Variants in TRPC6 observed in about 807,000 individuals in gnomAD.
TRPC6 encodes short transient receptor potential channel 6.
In TRPC6, 55 loss-of-function variants were observed where a neutral mutation model predicts 90.7. The ratio of observed to expected loss-of-function variants is 0.61; its 90% CI spans 0.49 to 0.76. The LOEUF is 0.76. Among genes scored for constraint, TRPC6 ranks in the 30% least tolerant of loss-of-function variants. The pLI, the probability that TRPC6 is intolerant of heterozygous loss-of-function variation, is 0.00. For synonymous variants in TRPC6, 393 were observed against 393.0 expected (o/e 1.00, Z 0.00); for missense variants, 989 against 1,122.7 (o/e 0.88, Z 1.70).
chr11:101,453,324 A>AAAGT lies in TRPC6; in HGVS notation c.2645-222_2645-219dup, dbSNP rs138371450. Among the ~76,000 whole-genome samples the AAAGT allele has an allele frequency of 4.5e-4, 69 of 152,288 alleles. No homozygotes were observed. The East Asian group carries it at 0.013, about 29-fold the overall frequency. On this transcript the variant is annotated intron_variant, in intron 12 of 12. Transcript: ENST00000344327. ...GCAGAATGATAACAAAAGCCCTCCT[A>AAAGT]AAGTAAGTTAAAACAAAAAGGTGGT... is the stretch of plus-strand genomic sequence containing the variant.
At chr11:101,453,523 C>G (rs1858811965) in intron 12 of TRPC6, 127 bp downstream of exon 12, 6 of 935,464 alleles carry the variant, frequency 6.4e-6, no homozygotes, top group African/African-American at 1.6e-5. Context: ...TTGGTGAGAT[C>G]CTGTTCTACT....
chr11:101,472,474 C>A, intron 7 of TRPC6, 142 bp from the exon 8 acceptor site: 3 of 763,692 alleles, frequency 3.9e-6, no homozygotes, highest in Non-Finnish European at 6.2e-6. Context: ...GCTCACTTTT[C>A]TTTTCTGTAA....
chr11:101,488,772 C>T (rs1859735230), intron 4 of TRPC6, among the ~76,000 whole-genome samples, 165 bp downstream of exon 4: 1 of 151,964 alleles, frequency 6.6e-6, no homozygotes, highest in South Asian at 2.1e-4. Context: ...AAAAGCAATA[C>T]AAATTATTTA....
At chr11:101,547,596 G>C (rs118115878) in intron 1 of TRPC6, among the ~76,000 whole-genome samples, 1 of 152,202 alleles carries the variant, frequency 6.6e-6, no homozygotes, top group Admixed American at 6.5e-5. Flanking sequence ...TGAGATCATC[G>C]ATTTCTGTTA....
chr11:101,481,653 A>G (rs1859554163), intron 5 of TRPC6, among the ~76,000 whole-genome samples: 1 of 152,120 alleles, frequency 6.6e-6, no homozygotes, highest in Admixed American at 6.5e-5. Flanking sequence ...TTTGGGGTTT[A>G]CCTATTAGGG....
intron 1 of TRPC6, among the ~76,000 whole-genome samples, chr11:101,556,000 T>C (rs7927579): frequency 0.24 from 36,673 of 152,026 alleles, 4,740 homozygotes; most frequent in East Asian, 0.4. Flanking sequence ...AAAAGGGGGA[T>C]TTTTTAAATG....
intron 5 of TRPC6, among the ~76,000 whole-genome samples, chr11:101,476,894 G>T (rs566411161): frequency 6.6e-6 from 1 of 152,088 alleles, no homozygotes; most frequent in Non-Finnish European, 1.5e-5. Context: ...TGGGACTTCC[G>T]CAGATGGAGT....
At chr11:101,566,784 G>A (rs2136876778) in intron 1 of TRPC6, among the ~76,000 whole-genome samples, 1 of 152,270 alleles carries the variant, frequency 6.6e-6, no homozygotes, top group East Asian at 1.9e-4. Flanking sequence ...AAGGGGTCGG[G>A]GAACTCCCTC....
At chr11:101,506,400 C>T (rs1860266951) in intron 1 of TRPC6, among the ~76,000 whole-genome samples, 1 of 152,178 alleles carries the variant, frequency 6.6e-6, no homozygotes, top group Non-Finnish European at 1.5e-5. Context: ...GATTCCACAT[C>T]TCCAGACAGT....
intron 1 of TRPC6, among the ~76,000 whole-genome samples, chr11:101,561,160 T>A (rs1861703018): frequency 6.6e-6 from 1 of 152,184 alleles, no homozygotes; most frequent in Non-Finnish European, 1.5e-5. Flanking sequence ...ACACTGCTGA[T>A]AAAGTATCAA....
At chr11:101,512,780 C>T (rs1860424442) in intron 1 of TRPC6, among the ~76,000 whole-genome samples, 1 of 152,090 alleles carries the variant, frequency 6.6e-6, no homozygotes, top group African/African-American at 2.4e-5. Flanking sequence ...CTTTGTAATA[C>T]CAGCAAACTA....
At chr11:101,560,676 C>T (rs1331220911) in intron 1 of TRPC6, among the ~76,000 whole-genome samples, 1 of 151,924 alleles carries the variant, frequency 6.6e-6, no homozygotes, top group Admixed American at 6.6e-5. Context: ...CATAGATCTG[C>T]CCAGAACATT....
intron 11 of TRPC6, 43 bp from the exon 12 acceptor site, chr11:101,453,768 CA>C (rs1565441528): frequency 1.3e-6 from 2 of 1,566,214 alleles, no homozygotes; most frequent in African/African-American, 2.7e-5. Flanking sequence ...GTTTCAGGTT[CA>C]TGACAAATCT....
intron 1 of TRPC6, among the ~76,000 whole-genome samples, chr11:101,544,118 C>A (rs903368616): frequency 2.0e-5 from 3 of 152,078 alleles, no homozygotes; most frequent in Non-Finnish European, 4.4e-5. Flanking sequence ...AGCCAACAAA[C>A]AAATGAAAAA....
Position 101,453,043 on chromosome 11 carries a change from G to T in TRPC6, c.2708C>A (p.Ser903Tyr). 1 of 1,613,846 alleles carries T rather than the reference G, an allele frequency of 6.2e-7. No individual in the cohort carries two copies. The highest frequency in any genetic ancestry group is 2.2e-5 in the East Asian group (1 of 44,840). ...SLRYELLEEK[S>Y]QNTEDLAELI... ...TTCTGCTAGGTCTTCTGTATTCTGA[G>T]ATTTTTCTTCAAGGAGTTCATAGCG... The change falls in exon 13 of 13, where the codon TCT becomes TAT. Residue 903 changes from serine (S) to tyrosine (Y), a missense_variant. Physicochemically the swap from Ser to Tyr is moderately radical, Grantham distance 144. Transcript: ENST00000344327.
At chr11:101,558,204 T>TGTATACGG (rs1310356712) in intron 1 of TRPC6, among the ~76,000 whole-genome samples, 2 of 60,832 alleles carry the variant, frequency 3.3e-5, no homozygotes, top group Non-Finnish European at 5.8e-5. Flanking sequence ...TATATGTGTG[T>TGTATACGG]GTATACATGT....
intron 6 of TRPC6, among the ~76,000 whole-genome samples, chr11:101,475,979 A>G (rs1343023695): frequency 1.3e-5 from 2 of 151,548 alleles, no homozygotes; most frequent in East Asian, 3.9e-4. Flanking sequence ...TCAAACGTGA[A>G]CTATTTTTAA....
chr11:101,509,463 T>A (rs1860349619), intron 1 of TRPC6, among the ~76,000 whole-genome samples: 1 of 152,148 alleles, frequency 6.6e-6, no homozygotes, highest in Non-Finnish European at 1.5e-5. Context: ...CAATTTTTAA[T>A]CTGGTTTACA....
At position 101,532,098 on chromosome 11, in the gene TRPC6, C is replaced by T. The variant is rs191479629; in HGVS notation, c.171-27300G>A. Reference sequence around the variant, plus strand: ...GTTTAGATCAAGCAACAACATTGTACAGTTGAACCCAAGGGCACATGTATC... The same window carrying T: ...GTTTAGATCAAGCAACAACATTGTATAGTTGAACCCAAGGGCACATGTATC... On this transcript the variant is annotated intron_variant, in intron 1 of 12. Transcript: ENST00000344327. Among the ~76,000 whole-genome samples, 37 of 152,308 alleles carry T rather than the reference C, an allele frequency of 2.4e-4. 1 individual carries two copies. The highest frequency in any genetic ancestry group is 8.2e-4 in the African/African-American group (34 of 41,564).
Sources: allele counts gnomAD v4.1 joint callset (sites outside exome capture counted in the v4.1 genomes callset), GRCh38; gene constraint gnomAD v4.1.1; transcripts MANE v1.5; gene names NCBI Gene and HGNC (gene_info 2026-07-23, HGNC 2026-07-21).